Variants in SCLT1 observed in about 807,000 individuals in gnomAD.
The protein encoded by SCLT1 is sodium channel-associated protein 1.
SCLT1 carries 78 observed loss-of-function variants against 112.8 expected under a neutral mutation model. That is an observed-to-expected ratio of 0.69 (90% confidence interval 0.58 to 0.83). The LOEUF (loss-of-function observed/expected upper bound fraction) is 0.83. Among genes scored for constraint, SCLT1 ranks in the 40% least tolerant of loss-of-function variants. The probability of loss-of-function intolerance (pLI) is 0.00; values close to 1 mark genes in which losing one functional copy is unlikely to be tolerated. For synonymous variants in SCLT1, 257 were observed against 254.7 expected (o/e 1.01, Z -0.09); for missense variants, 747 against 770.4 (o/e 0.97, Z 0.36).
intron 1 of SCLT1, among the ~76,000 whole-genome samples, chr4:129,089,157 C>T (rs1229598365): frequency 6.6e-6 from 1 of 152,134 alleles, no homozygotes; most frequent in African/African-American, 2.4e-5. Flanking sequence ...AGCAAATTTA[C>T]AAGAGAAAAG....
At chr4:129,035,868 C>A (rs925460960) in intron 5 of SCLT1, among the ~76,000 whole-genome samples, 1 of 151,530 alleles carries the variant, frequency 6.6e-6, no homozygotes, top group Non-Finnish European at 1.5e-5. Flanking sequence ...ACATTTTCCT[C>A]AGTCTGAGTT....
chr4:129,092,791 T>C (rs184925931), intron 1 of SCLT1, among the ~76,000 whole-genome samples: 11 of 152,342 alleles, frequency 7.2e-5, no homozygotes, highest in Non-Finnish European at 1.3e-4. Flanking sequence ...AAACTCCTGC[T>C]GGCCATTAGC....
At chr4:129,078,882 G>T (rs1173497464) in intron 2 of SCLT1, among the ~76,000 whole-genome samples, 3 of 152,174 alleles carry the variant, frequency 2.0e-5, no homozygotes, top group Admixed American at 6.5e-5. Context: ...GGCTGTACAG[G>T]AAGCCTGGCT....
At chr4:128,943,226 A>C (rs1365612363) in intron 16 of SCLT1, 38 bp from the exon 17 acceptor site, 2 of 1,400,564 alleles carry the variant, frequency 1.4e-6, no homozygotes, top group Non-Finnish European at 2.0e-6. Context: ...CCTTAAACTT[A>C]ATGATCTATA....
At chr4:128,940,115 G>A (rs543016545) in intron 17 of SCLT1, among the ~76,000 whole-genome samples, 3 of 151,724 alleles carry the variant, frequency 2.0e-5, no homozygotes, top group Non-Finnish European at 2.9e-5. Flanking sequence ...TGTTAAAGAC[G>A]GATCTAGTGG....
chr4:128,959,908 A>G (rs1739534348), intron 11 of SCLT1, 131 bp from the exon 12 acceptor site: 2 of 679,096 alleles, frequency 2.9e-6, no homozygotes, highest in Non-Finnish European at 5.0e-6. Flanking sequence ...CTCATTTGAT[A>G]CTCATTACCC....
rs142924831 is a variant in SCLT1, at chr4:128,893,777, G to A, written c.1830-2640C>T. 1.5e-3 allele frequency among the ~76,000 whole-genome samples: 229 copies of A among 152,296 alleles called. 1 individual carries two copies. Among genetic ancestry groups the A allele is most frequent in the African/African-American group, 5.1e-3 (211 of 41,566 alleles). On this transcript the variant is annotated intron_variant, in intron 18 of 20. Transcript: ENST00000281142. ...AGGATGGTCTCAATCTCCTGACCTC[G>A]TGAGCCGCCCTCCTCGGCCTCCCAA...
chr4:128,929,455 T>A (rs1211562421), intron 18 of SCLT1, among the ~76,000 whole-genome samples: 1 of 152,190 alleles, frequency 6.6e-6, no homozygotes, highest in Non-Finnish European at 1.5e-5. Flanking sequence ...GAACTTGACA[T>A]ACAATTCTAA....
chr4:128,919,509 C>T (rs1043332632), intron 18 of SCLT1, among the ~76,000 whole-genome samples: 2 of 151,706 alleles, frequency 1.3e-5, no homozygotes, highest in Non-Finnish European at 2.9e-5. Flanking sequence ...CCTAGAGGAA[C>T]AAGGCAAACC....
chr4:129,047,161 G>A (rs1748259007), intron 2 of SCLT1, among the ~76,000 whole-genome samples: 1 of 151,958 alleles, frequency 6.6e-6, no homozygotes, highest in Non-Finnish European at 1.5e-5. Flanking sequence ...TTTATGATTA[G>A]TGCTTATGTG....
intron 2 of SCLT1, among the ~76,000 whole-genome samples, chr4:129,059,151 C>A (rs1326854218): frequency 6.6e-6 from 1 of 152,126 alleles, no homozygotes; most frequent in African/African-American, 2.4e-5. Flanking sequence ...CATGCCTTCT[C>A]TTTCCATCCA....
At chr4:129,025,597 G>C (rs1745981669) in intron 5 of SCLT1, among the ~76,000 whole-genome samples, 1 of 152,160 alleles carries the variant, frequency 6.6e-6, no homozygotes, top group Non-Finnish European at 1.5e-5. Flanking sequence ...GCAAAATCAT[G>C]CCAAATTGTA....
chr4:128,983,820 A>T (rs1379112404), intron 9 of SCLT1, among the ~76,000 whole-genome samples: 1 of 152,208 alleles, frequency 6.6e-6, no homozygotes, highest in Admixed American at 6.5e-5. Flanking sequence ...GTATAAGTAC[A>T]AACTTAAACA....
chr4:129,020,445 C>G (rs1745365054), intron 5 of SCLT1, among the ~76,000 whole-genome samples: 1 of 152,198 alleles, frequency 6.6e-6, no homozygotes, highest in South Asian at 2.1e-4. Context: ...TGAGGGCAGT[C>G]CTATCAACAG....
chr4:129,053,883 G>A (rs557717060), intron 2 of SCLT1, among the ~76,000 whole-genome samples: 31 of 152,160 alleles, frequency 2.0e-4, no homozygotes, highest in African/African-American at 7.2e-4. Flanking sequence ...TTTTTGCAGT[G>A]CCTGTCACCA....
rs556415607 is a variant in SCLT1 at position 128,917,349 on chromosome 4, T to C, written c.1829+19306A>G. ...ATAATGGTACACAACATATTGATTTTAGTCAAGAAATAATATTAAGATCAA... is the reference window on the plus strand; with the variant it reads ...ATAATGGTACACAACATATTGATTTCAGTCAAGAAATAATATTAAGATCAA... On this transcript the variant is annotated intron_variant, in intron 18 of 20. Coordinates refer to ENST00000281142, the MANE Select transcript of SCLT1 (RefSeq NM_144643.4). 2.0e-5 allele frequency among the ~76,000 whole-genome samples: 3 copies of C among 152,344 alleles called. No homozygotes were observed. In the East Asian group the frequency reaches 5.8e-4, roughly 29 times the overall value.
chr4:128,986,227 C>T (rs1173811060), intron 9 of SCLT1, among the ~76,000 whole-genome samples: 1 of 152,084 alleles, frequency 6.6e-6, no homozygotes, highest in Admixed American at 6.5e-5. Flanking sequence ...TGCCCTGTCA[C>T]AGTGGAACAC....
chr4:129,092,933 T>G (rs1752981766), intron 1 of SCLT1, 137 bp downstream of exon 1: 2 of 682,430 alleles, frequency 2.9e-6, no homozygotes, highest in Admixed American at 4.9e-5. Flanking sequence ...ACATCAAGGT[T>G]TTTTTTTTCC....
At chr4:128,914,639 A>C (rs1052923410) in intron 18 of SCLT1, among the ~76,000 whole-genome samples, 1 of 152,156 alleles carries the variant, frequency 6.6e-6, no homozygotes, top group Non-Finnish European at 1.5e-5. Context: ...AGGAGAAAGA[A>C]GAGAAATAAT....
Sources: gnomAD v4.1 joint callset for allele counts (sites outside exome capture counted in the v4.1 genomes callset) on GRCh38, gnomAD v4.1.1 for gene constraint, MANE v1.5 for transcripts, NCBI Gene and HGNC (gene_info 2026-07-23, HGNC 2026-07-21) for gene names.